Variants in MIPEP observed in about 807,000 individuals in gnomAD.
MIPEP encodes mitochondrial intermediate peptidase.
In MIPEP, 79 loss-of-function variants were observed where a neutral mutation model predicts 90.3. The observed-to-expected ratio is 0.87, with a 90% CI of 0.73 to 1.05. The LOEUF (loss-of-function observed/expected upper bound fraction) is 1.05. MIPEP is among the 50% of genes least tolerant of loss of function. The probability of loss-of-function intolerance (pLI) is 0.00; values close to 1 mark genes in which losing one functional copy is unlikely to be tolerated. For synonymous variants in MIPEP, 334 were observed against 315.8 expected, an observed-to-expected ratio of 1.06 and a Z score of -0.61; for missense variants, 940 against 905.6, an observed-to-expected ratio of 1.04 and a Z score of -0.49.
chr13:23,739,975 T>C (rs1952307944), intron 18 of MIPEP, among the ~76,000 whole-genome samples: 1 of 152,204 alleles, frequency 6.6e-6, no homozygotes, highest in Non-Finnish European at 1.5e-5. Context: ...GGGTAGGATA[T>C]TGCTTTTTTC....
intron 15 of MIPEP, among the ~76,000 whole-genome samples, chr13:23,806,544 G>A (rs575955613): frequency 6.6e-6 from 1 of 152,160 alleles, no homozygotes; most frequent in East Asian, 1.9e-4. Flanking sequence ...CAGGCGTGGT[G>A]GCAGGCACCT....
intron 18 of MIPEP, among the ~76,000 whole-genome samples, chr13:23,746,633 CAAA>C (rs34666099): frequency 4.0e-5 from 4 of 99,352 alleles, no homozygotes; most frequent in East Asian, 2.8e-4. Context: ...GACTCCCTCT[CAAA>C]AAAAAAAAAA....
Position 23,822,932 on chromosome 13 carries a change from C to T in MIPEP, c.1654-13008G>A, listed in dbSNP as rs1290329135. ...ACAGAGTCTTGCTCTGTTACCCAGG[C>T]TGGAGTGCAGTGGCATGATCTCGGC... is the stretch of plus-strand genomic sequence containing the variant. On this transcript the variant is annotated intron_variant, in intron 14 of 18. Transcript: ENST00000382172. 2.6e-5 allele frequency among the ~76,000 whole-genome samples: 4 copies of T among 151,784 alleles called. No homozygotes were observed. The East Asian group carries it at 5.8e-4, about 22-fold the overall frequency.
At chr13:23,834,742 C>A (rs1404138053) in intron 14 of MIPEP, among the ~76,000 whole-genome samples, 2 of 152,216 alleles carry the variant, frequency 1.3e-5, no homozygotes, top group Non-Finnish European at 2.9e-5. Flanking sequence ...GCCCTCGTGG[C>A]CCTGCCTGTG....
chr13:23,775,109 C>CTGTGTGTGTGTGTGTGTGTG (rs57354012), intron 16 of MIPEP, among the ~76,000 whole-genome samples: 2 of 149,200 alleles, frequency 1.3e-5, no homozygotes, highest in South Asian at 2.2e-4. Flanking sequence ...TATCAGTTCT[C>CTGTGTGTGTGTGTGTGTGTG]TGTGTGTGTG....
rs530189878 is a variant in MIPEP, at chr13:23,771,724, T to TCA, written c.1849-11508_1849-11507insTG. ...TGTTTCATCTGAAACCCGTGAAATG[T>TCA]GGTGTTTGCACAGCCACATCCTCAT... On this transcript the variant is annotated intron_variant, in intron 16 of 18. Transcript: ENST00000382172. Among the ~76,000 whole-genome samples the TCA allele has an allele frequency of 1.3e-3, 192 of 152,326 alleles. 2 individuals are homozygous for TCA. Among genetic ancestry groups the TCA allele is most frequent in the Admixed American group, 3.5e-3 (53 of 15,298 alleles).
At chr13:23,777,431 A>T (rs868153310) in intron 16 of MIPEP, among the ~76,000 whole-genome samples, 8 of 152,332 alleles carry the variant, frequency 5.3e-5, no homozygotes, top group Middle Eastern at 3.4e-3. Context: ...AAAATAAAAG[A>T]CAGTGAATTT....
At chr13:23,817,247 AG>A (rs1184503818) in intron 14 of MIPEP, among the ~76,000 whole-genome samples, 1 of 152,228 alleles carries the variant, frequency 6.6e-6, no homozygotes, top group Non-Finnish European at 1.5e-5. Context: ...AAGGCAGAAA[AG>A]CTTTACAAAG....
chr13:23,756,842 T>C, intron 17 of MIPEP: 1 of 542,500 alleles, frequency 1.8e-6, no homozygotes, highest in Non-Finnish European at 3.3e-6. Flanking sequence ...AGGATAACTA[T>C]ACTTTTGGCT....
chr13:23,814,472 A>G (rs1953212219), intron 14 of MIPEP, among the ~76,000 whole-genome samples: 1 of 152,066 alleles, frequency 6.6e-6, no homozygotes, highest in African/African-American at 2.4e-5. Flanking sequence ...TGTATTAACC[A>G]GGATGGTCTC....
intron 16 of MIPEP, among the ~76,000 whole-genome samples, chr13:23,763,133 A>G (rs1431511747): frequency 2.0e-5 from 3 of 152,260 alleles, no homozygotes; most frequent in African/African-American, 2.4e-5. Context: ...TTCGTTTACA[A>G]CATATACACA....
intron 18 of MIPEP, among the ~76,000 whole-genome samples, chr13:23,749,536 C>T (rs1952418046): frequency 6.6e-6 from 1 of 152,192 alleles, no homozygotes; most frequent in Non-Finnish European, 1.5e-5. Flanking sequence ...ATCATCAGAA[C>T]TGTATGGGCA....
intron 16 of MIPEP, among the ~76,000 whole-genome samples, chr13:23,775,468 G>A (rs1188371294): frequency 6.6e-6 from 1 of 152,084 alleles, no homozygotes; most frequent in Non-Finnish European, 1.5e-5. Context: ...CAATCCTGAA[G>A]TCCTGATAAT....
Position 23,774,063 on chromosome 13 carries a change from T to G in MIPEP, c.1849-13846A>C, listed in dbSNP as rs573931914. ...TCTAGGAATATTCCAGTTTTAACTCTTAAATTTAGGTCTTTGATCTATTTT... is the reference window on the plus strand; with the variant it reads ...TCTAGGAATATTCCAGTTTTAACTCGTAAATTTAGGTCTTTGATCTATTTT... On this transcript the variant is annotated intron_variant, in intron 16 of 18. Transcript: ENST00000382172. Among the ~76,000 whole-genome samples, 6 of 152,392 alleles carry G rather than the reference T, an allele frequency of 3.9e-5. No individual in the cohort carries two copies. The East Asian group carries it at 1.2e-3, about 29-fold the overall frequency.
chr13:23,787,564 A>G (rs1952859811), intron 16 of MIPEP, among the ~76,000 whole-genome samples: 1 of 152,128 alleles, frequency 6.6e-6, no homozygotes, highest in Admixed American at 6.5e-5. Context: ...ACACCATCCT[A>G]TTCATTTTCA....
chr13:23,854,470 T>C (rs190772525), intron 10 of MIPEP, among the ~76,000 whole-genome samples: 139 of 152,340 alleles, frequency 9.1e-4, no homozygotes, highest in African/African-American at 3.1e-3. Flanking sequence ...AGCCCATTTT[T>C]TGAATAGTTT....
intron 6 of MIPEP, among the ~76,000 whole-genome samples, chr13:23,869,712 C>A (rs558166781): frequency 2.0e-5 from 3 of 152,128 alleles, no homozygotes; most frequent in African/African-American, 7.2e-5. Flanking sequence ...TGCTATAAAG[C>A]GTCTTAACCA....
chr13:23,823,548 GCTGGGCACGGTGGCTCACGCCTATAATCC>G (rs1212969840), intron 14 of MIPEP, among the ~76,000 whole-genome samples: 6 of 152,194 alleles, frequency 3.9e-5, no homozygotes, highest in Non-Finnish European at 7.3e-5. Context: ...AGCATTTGGA[GCTGGGCACGGTGGCTCACGCCTATAATCC>G]CTGCATTTTG....
rs950098328 is a variant in MIPEP, at chr13:23,870,724, G to A, written c.604-529C>T. ...AGAGGCTGAGGCACGAGAATCGCTC[G>A]AACCCAGGAGGCGGAGGTTGCAATG... is the stretch of plus-strand genomic sequence containing the variant. On this transcript the variant is annotated intron_variant, in intron 5 of 18. Transcript: ENST00000382172. 5.9e-5 allele frequency among the ~76,000 whole-genome samples: 9 copies of A among 151,958 alleles called. No homozygotes were observed. The East Asian group carries it at 1.4e-3, about 23-fold the overall frequency.
Sources: gnomAD v4.1 joint callset for allele counts (sites outside exome capture counted in the v4.1 genomes callset) on GRCh38, gnomAD v4.1.1 for gene constraint, MANE v1.5 for transcripts, NCBI Gene and HGNC (gene_info 2026-07-23, HGNC 2026-07-21) for gene names.